The following ANKRD11 variants were observed in gnomAD, a reference collection of about 807,000 sequenced individuals.
The protein encoded by ANKRD11 is ankyrin repeat domain 11.
A neutral mutation model predicts 195.7 loss-of-function variants in ANKRD11; 17 were observed. The observed-to-expected ratio is 0.09, with a 90% CI of 0.06 to 0.13. The LOEUF (loss-of-function observed/expected upper bound fraction) is 0.13. Ranked by LOEUF, ANKRD11 falls within the 10% of genes least tolerant of loss-of-function variation. The probability of loss-of-function intolerance (pLI) is 1.00; values close to 1 mark genes in which losing one functional copy is unlikely to be tolerated. For synonymous variants in ANKRD11, 1,953 were observed against 1,528.1 expected (o/e 1.28, Z -6.49); for missense variants, 3,735 against 3,566.1 (o/e 1.05, Z -1.21).
At chr16:89,478,973 G>A (rs2057348859) in intron 1 of ANKRD11, among the ~76,000 whole-genome samples, 1 of 152,030 alleles carries the variant, frequency 6.6e-6, no homozygotes, top group African/African-American at 2.4e-5. Flanking sequence ...TCTTTTTTGA[G>A]ATGTTCTCAC....
intron 1 of ANKRD11, among the ~76,000 whole-genome samples, chr16:89,452,435 C>T (rs2044119259): frequency 1.3e-5 from 2 of 152,106 alleles, no homozygotes; most frequent in South Asian, 2.1e-4. Context: ...ACACCCTGGG[C>T]GTGATTAAAA....
At chr16:89,314,753 G>A (rs919124978) in intron 3 of ANKRD11, among the ~76,000 whole-genome samples, 3 of 152,132 alleles carry the variant, frequency 2.0e-5, no homozygotes, top group African/African-American at 4.8e-5. Flanking sequence ...AGTGACAGGT[G>A]CCACCTCGCC....
At chr16:89,337,006 C>CAAAA (rs1567667147) in intron 2 of ANKRD11, among the ~76,000 whole-genome samples, 1 of 39,720 alleles carries the variant, frequency 2.5e-5, no homozygotes, top group Non-Finnish European at 5.3e-5. Flanking sequence ...CCTGGCTCTA[C>CAAAA]CAAAAAAAAA....
At chr16:89,345,865 A>G (rs1351483735) in intron 2 of ANKRD11, among the ~76,000 whole-genome samples, 1 of 152,206 alleles carries the variant, frequency 6.6e-6, no homozygotes, top group African/African-American at 2.4e-5. Flanking sequence ...GTGAGCCACT[A>G]TAATATGGCA....
chr16:89,357,251 T>C (rs1474588132), intron 2 of ANKRD11, among the ~76,000 whole-genome samples: 2 of 152,064 alleles, frequency 1.3e-5, no homozygotes, highest in African/African-American at 4.8e-5. Context: ...TCACCTCTCA[T>C]CTGTCAAATC....
At chr16:89,392,331 A>G (rs1296507103) in intron 2 of ANKRD11, 2 of 152,496 alleles carry the variant, frequency 1.3e-5, no homozygotes, top group East Asian at 3.8e-4. Flanking sequence ...CATTTCAAAC[A>G]CACTGATGGC....
chr16:89,490,539 C>A lies in ANKRD11; in HGVS notation c.-439G>T. 1 of 457,974 alleles carries A rather than the reference C, an allele frequency of 2.2e-6. No individual in the cohort carries two copies. The highest frequency in any genetic ancestry group is 3.8e-5 in the South Asian group (1 of 26,650). The allele number at this position is 457,974 out of a possible 1,614,324, so 28.4% of individuals were successfully genotyped here. On this transcript the variant is annotated 5_prime_UTR_variant, in exon 1 of 13. Transcript: ENST00000301030. ...CCCGGCTGGGGCCCTCGGTCCATCG[C>A]GCACCGTCTCAGGGCGGCCTCTGGC... is the stretch of plus-strand genomic sequence containing the variant.
Position 89,337,429 on chromosome 16 carries a change from C to CTTTTTTTTTTTTTTT in ANKRD11, c.-59-20366_-59-20352dup, listed in dbSNP as rs1165680827. The stretch of plus-strand genomic sequence containing the variant: ...ATACATGAACATGGTCTAAGCAATT[C>CTTTTTTTTTTTTTTT]TTTTTTTTTTTTTTTTTTTTTTTTT... On this transcript the variant is annotated intron_variant, in intron 2 of 12. Transcript: ENST00000301030. Among the ~76,000 whole-genome samples, 50 of 53,130 alleles carry CTTTTTTTTTTTTTTT rather than the reference C, an allele frequency of 9.4e-4. 12 individuals are homozygous for CTTTTTTTTTTTTTTT. Among genetic ancestry groups the CTTTTTTTTTTTTTTT allele is most frequent in the Non-Finnish European group, 1.1e-3 (34 of 31,398 alleles). 34.9% of individuals were successfully genotyped at this position (53,130 alleles called of 152,430 possible). A position where few individuals can be genotyped will look rare whatever the true frequency, so the allele number is the denominator to read the frequency against.
At chr16:89,337,719 C>T (rs2038446625) in intron 2 of ANKRD11, among the ~76,000 whole-genome samples, 1 of 152,162 alleles carries the variant, frequency 6.6e-6, no homozygotes, top group African/African-American at 2.4e-5. Context: ...GGATTACAGG[C>T]GTAAGCCACT....
chr16:89,486,865 C>G (rs1329074891), intron 1 of ANKRD11, among the ~76,000 whole-genome samples: 1 of 151,844 alleles, frequency 6.6e-6, no homozygotes, highest in African/African-American at 2.4e-5. Flanking sequence ...AAAAATTAGC[C>G]GTGTTTGGTA....
rs1013967207 is a variant in ANKRD11, at chr16:89,281,198, G to A, written c.5344C>T (p.Pro1782Ser). 2.0e-5 allele frequency: 32 copies of A among 1,614,222 alleles called. No homozygotes were observed. Among genetic ancestry groups the A allele is most frequent in the African/African-American group, 8.0e-5 (6 of 75,062 alleles). Residue 1782 changes from proline to serine, a missense_variant, in exon 9 of 13, where the codon CCT (proline) becomes TCT (serine). Pro to Ser is a moderately conservative substitution (Grantham distance 74, BLOSUM62 -1). Transcript: ENST00000301030. The surrounding 1 kb of genome is among the most constrained non-coding windows in gnomAD (Gnocchi z 5.5). ...GAGCGGTAAAGGTTTGTGGAGAGAG[G>A]CCTGGCAGGAGCCTGGCTGGCGTTT... is the stretch of plus-strand genomic sequence containing the variant. ...SENASQAPAR[P>S]LSTNLYRSVS... is the part of the protein sequence containing the mutation.
At position 89,280,756 on chromosome 16, in the gene ANKRD11, C is replaced by T. The variant is rs1191174024; in HGVS notation, c.5786G>A (p.Ser1929Asn). 1.2e-6 allele frequency: 2 copies of T among 1,613,266 alleles called. No individual in the cohort carries two copies. The highest frequency in any genetic ancestry group is 3.3e-5 in the Admixed American group (2 of 60,004). Reference sequence around the variant, plus strand: ...ACCCTCGTCCAGCGGCTCCAGGTAGCTGGGCTCCGGGGGGATGATGGCGGC... The same window carrying T: ...ACCCTCGTCCAGCGGCTCCAGGTAGTTGGGCTCCGGGGGGATGATGGCGGC... ...ATAAIIPPEP[S>N]YLEPLDEGPF... is the part of the protein sequence containing the mutation. The change falls in exon 9 of 13, where the codon AGC (serine) becomes AAC (asparagine). Residue 1929 changes from serine (S) to asparagine (N), a missense_variant. Transcript: ENST00000301030.
chr16:89,477,146 A>G (rs1395634272), intron 1 of ANKRD11, among the ~76,000 whole-genome samples: 1 of 152,030 alleles, frequency 6.6e-6, no homozygotes, highest in African/African-American at 2.4e-5. Flanking sequence ...TATCTCAGAA[A>G]ACAGGCACAA....
intron 1 of ANKRD11, among the ~76,000 whole-genome samples, chr16:89,479,470 TA>T (rs1463426307): frequency 2.0e-5 from 3 of 150,760 alleles, no homozygotes; most frequent in Non-Finnish European, 4.4e-5. Context: ...CCATGTCTAC[TA>T]AAAATACAAA....
intron 1 of ANKRD11, among the ~76,000 whole-genome samples, chr16:89,458,490 C>A (rs1019701784): frequency 1.3e-5 from 2 of 152,194 alleles, no homozygotes; most frequent in African/African-American, 4.8e-5. Flanking sequence ...TCCCAAAGTG[C>A]TGGGATTACA....
intron 2 of ANKRD11, among the ~76,000 whole-genome samples, chr16:89,360,344 G>C (rs1427668085): frequency 6.6e-6 from 1 of 152,128 alleles, no homozygotes; most frequent in African/African-American, 2.4e-5. Context: ...CAATCCTCTC[G>C]AATTGGTCTC....
intron 4 of ANKRD11, among the ~76,000 whole-genome samples, chr16:89,298,515 C>G (rs1201969936): frequency 6.6e-6 from 1 of 152,214 alleles, no homozygotes; most frequent in East Asian, 1.9e-4. Context: ...CAGCATGGAG[C>G]CAGGAGGTAG....
chr16:89,469,834 G>GC (rs201911062), intron 1 of ANKRD11, among the ~76,000 whole-genome samples: 150,647 of 150,652 alleles, frequency 1, 75,321 homozygotes, highest in Middle Eastern at 1. Context: ...GGGAGCGGCA[G>GC]TTGCAGGGAG....
intron 11 of ANKRD11, 120 bp from the exon 12 acceptor site, chr16:89,271,029 T>C: frequency 1.2e-6 from 1 of 865,410 alleles, no homozygotes; most frequent in Admixed American, 2.0e-5. Context: ...GGGAGCCTCA[T>C]TCCACCGCGC....
Sources: allele counts gnomAD v4.1 joint callset (sites outside exome capture counted in the v4.1 genomes callset), GRCh38; gene constraint gnomAD v4.1.1; non-coding constraint Gnocchi (gnomAD v3.1); transcripts MANE v1.5; gene names NCBI Gene and HGNC (gene_info 2026-07-23, HGNC 2026-07-21).